The following SPAG16 variants were observed in gnomAD, a reference collection of about 807,000 sequenced individuals.
SPAG16 encodes sperm-associated antigen 16 protein.
A neutral mutation model predicts 80.4 loss-of-function variants in SPAG16; 86 were observed. The observed-to-expected ratio is 1.07, with a 90% confidence interval of 0.90 to 1.28. The LOEUF is 1.28. Among genes scored for constraint, SPAG16 ranks in the 50% most tolerant of loss-of-function variants. The pLI is 0.00. For synonymous variants in SPAG16, 294 were observed against 265.9 expected (o/e 1.11, Z -1.03); for missense variants, 870 against 765.3 (o/e 1.14, Z -1.61).
At chr2:213,711,379 A>C (rs2125360396) in intron 10 of SPAG16, among the ~76,000 whole-genome samples, 1 of 152,292 alleles carries the variant, frequency 6.6e-6, no homozygotes, top group South Asian at 2.1e-4. Flanking sequence ...TGTTTACATA[A>C]GACGTTAAAA....
chr2:213,782,222 G>C (rs1407575445), intron 10 of SPAG16, among the ~76,000 whole-genome samples: 2 of 151,354 alleles, frequency 1.3e-5, no homozygotes, highest in Non-Finnish European at 2.9e-5. Context: ...GAAAGAAAGA[G>C]GGATGGAAAG....
intron 15 of SPAG16, among the ~76,000 whole-genome samples, chr2:214,230,501 T>C (rs1487065316): frequency 6.6e-6 from 1 of 152,030 alleles, no homozygotes; most frequent in East Asian, 1.9e-4. Flanking sequence ...TTTTAAGTAT[T>C]GAAAACAACT....
intron 8 of SPAG16, among the ~76,000 whole-genome samples, chr2:213,374,694 TCTC>T (rs972378495): frequency 4.0e-4 from 61 of 152,128 alleles, no homozygotes; most frequent in African/African-American, 1.4e-3. Flanking sequence ...CTTGTCATTC[TCTC>T]CTCCACCATC....
At chr2:213,481,146 C>G (rs965522268) in intron 9 of SPAG16, among the ~76,000 whole-genome samples, 2 of 152,088 alleles carry the variant, frequency 1.3e-5, no homozygotes, top group Non-Finnish European at 2.9e-5. Flanking sequence ...TTCTTGGTCT[C>G]TGTTTTGTAG....
At chr2:213,397,410 C>G (rs2068096487) in intron 9 of SPAG16, among the ~76,000 whole-genome samples, 1 of 152,194 alleles carries the variant, frequency 6.6e-6, no homozygotes, top group Non-Finnish European at 1.5e-5. Flanking sequence ...CTCCCTCCTT[C>G]ATGAACATAC....
intron 15 of SPAG16, among the ~76,000 whole-genome samples, chr2:214,356,416 T>A (rs1277660985): frequency 1.9e-5 from 2 of 106,518 alleles, no homozygotes; most frequent in Non-Finnish European, 5.2e-5. Flanking sequence ...AGGCTGCCCA[T>A]AATTTATCAA....
chr2:213,530,175 A>G (rs2076021088), intron 10 of SPAG16, among the ~76,000 whole-genome samples: 1 of 152,236 alleles, frequency 6.6e-6, no homozygotes, highest in Non-Finnish European at 1.5e-5. Context: ...AATGATAGAA[A>G]GTAAATAATA....
chr2:214,028,174 T>C (rs980764532), intron 13 of SPAG16, among the ~76,000 whole-genome samples: 1 of 151,986 alleles, frequency 6.6e-6, no homozygotes, highest in Admixed American at 6.6e-5. Flanking sequence ...CCGTATTTTC[T>C]GTATTCCCTG....
At chr2:214,325,150 C>T (rs1410083840) in intron 15 of SPAG16, among the ~76,000 whole-genome samples, 4 of 152,184 alleles carry the variant, frequency 2.6e-5, no homozygotes, top group Admixed American at 6.5e-5. Context: ...TTGAGAACTA[C>T]AATACCAAAT....
chr2:214,197,129 T>A (rs950190069), intron 15 of SPAG16, among the ~76,000 whole-genome samples: 2 of 152,036 alleles, frequency 1.3e-5, no homozygotes, highest in African/African-American at 4.8e-5. Flanking sequence ...CCTGACTATA[T>A]TCCACTCAGT....
chr2:214,198,537 T>G (rs997445659), intron 15 of SPAG16, among the ~76,000 whole-genome samples: 2 of 152,182 alleles, frequency 1.3e-5, no homozygotes, highest in African/African-American at 4.8e-5. Flanking sequence ...TATCTGAAAT[T>G]GTGAACTGTG....
chr2:214,188,427 T>A (rs2057548501), intron 15 of SPAG16, among the ~76,000 whole-genome samples: 1 of 152,202 alleles, frequency 6.6e-6, no homozygotes, highest in South Asian at 2.1e-4. Context: ...CATAGTGCAG[T>A]GTCTGAAAAT....
chr2:213,520,701 C>T (rs2075627847), intron 10 of SPAG16, among the ~76,000 whole-genome samples: 1 of 152,234 alleles, frequency 6.6e-6, no homozygotes, highest in Non-Finnish European at 1.5e-5. Flanking sequence ...TGTTCATAAA[C>T]TTGGAAACAA....
At chr2:214,192,481 T>C (rs1177777238) in intron 15 of SPAG16, among the ~76,000 whole-genome samples, 1 of 152,084 alleles carries the variant, frequency 6.6e-6, no homozygotes, top group Non-Finnish European at 1.5e-5. Flanking sequence ...AGGAGCAAAA[T>C]TGAGGAGAAA....
At chr2:213,487,236 T>A (rs530857923) in intron 9 of SPAG16, among the ~76,000 whole-genome samples, 7 of 152,166 alleles carry the variant, frequency 4.6e-5, no homozygotes, top group Admixed American at 3.9e-4. Context: ...GGTATTTTTT[T>A]AAAAAGCTGC....
chr2:213,881,223 C>T (rs2076331897), intron 11 of SPAG16, among the ~76,000 whole-genome samples: 1 of 152,102 alleles, frequency 6.6e-6, no homozygotes, highest in African/African-American at 2.4e-5. Flanking sequence ...TTCTTTGTGG[C>T]TATTGTAAAT....
chr2:214,115,988 G>A (rs2053916398), intron 14 of SPAG16, among the ~76,000 whole-genome samples: 1 of 152,038 alleles, frequency 6.6e-6, no homozygotes, highest in Non-Finnish European at 1.5e-5. Context: ...GTAGGAGGCT[G>A]CAGAGCCCCA....
At chr2:214,001,350 A>G (rs1277076972) in intron 12 of SPAG16, among the ~76,000 whole-genome samples, 1 of 152,172 alleles carries the variant, frequency 6.6e-6, no homozygotes, top group East Asian at 1.9e-4. Flanking sequence ...TGGTTCCTTG[A>G]TGGTTTTAAG....
intron 14 of SPAG16, among the ~76,000 whole-genome samples, chr2:214,146,926 C>T (rs561990416): frequency 3.8e-4 from 58 of 151,674 alleles, no homozygotes; most frequent in African/African-American, 1.4e-3. Context: ...GGCGTTAACC[C>T]GGGAGACGGA....
Sources: gnomAD v4.1 joint callset for allele counts (sites outside exome capture counted in the v4.1 genomes callset) on GRCh38, gnomAD v4.1.1 for gene constraint, MANE v1.5 for transcripts, NCBI Gene and HGNC (gene_info 2026-07-23, HGNC 2026-07-21) for gene names.